Variants in LDLRAD4 observed in about 807,000 individuals in gnomAD.
LDLRAD4 encodes low-density lipoprotein receptor class A domain-containing protein 4.
LDLRAD4 carries 5 observed loss-of-function variants against 17.0 expected under a neutral mutation model. The ratio of observed to expected loss-of-function variants is 0.29; its 90% CI spans 0.15 to 0.62. The LOEUF (loss-of-function observed/expected upper bound fraction) is 0.62, where lower values mean the gene tolerates loss of function less well. LDLRAD4 is among the 20% of genes least tolerant of loss of function. LDLRAD4 has a pLI of 0.84. For synonymous variants in LDLRAD4, 168 were observed against 171.8 expected, an observed-to-expected ratio of 0.98 and a Z score of 0.17; for missense variants, 340 against 424.7, an observed-to-expected ratio of 0.80 and a Z score of 1.75.
upstream of LDLRAD4, among the ~76,000 whole-genome samples, chr18:13,276,159 C>T (rs1297986717): frequency 6.6e-6 from 1 of 152,062 alleles, no homozygotes; most frequent in African/African-American, 2.4e-5. Flanking sequence ...CAGGTGTGCA[C>T]CACCACGCTC....
chr18:13,448,784 C>T (rs935589305), intron 3 of LDLRAD4, among the ~76,000 whole-genome samples: 7 of 152,060 alleles, frequency 4.6e-5, no homozygotes, highest in African/African-American at 1.7e-4. Flanking sequence ...AAGGGTACTA[C>T]GGTGAAACTT....
chr18:13,422,451 C>T (rs1210347853), intron 2 of LDLRAD4, among the ~76,000 whole-genome samples: 1 of 151,898 alleles, frequency 6.6e-6, no homozygotes, highest in African/African-American at 2.4e-5. Context: ...AATCCTAGCA[C>T]TTTGGGAGGT....
intron 1 of LDLRAD4, among the ~76,000 whole-genome samples, chr18:13,261,997 T>C (rs1396692994): frequency 6.6e-6 from 1 of 150,748 alleles, no homozygotes; most frequent in Non-Finnish European, 1.5e-5. Context: ...CTGAGTCCCG[T>C]GGGGCTCTGT....
At chr18:13,404,134 C>T (rs957055167) in intron 2 of LDLRAD4, among the ~76,000 whole-genome samples, 2 of 152,226 alleles carry the variant, frequency 1.3e-5, no homozygotes, top group African/African-American at 4.8e-5. Flanking sequence ...CAGATTCTGC[C>T]GCTTCTGGAC....
intron 1 of LDLRAD4, among the ~76,000 whole-genome samples, chr18:13,268,738 TC>T (rs2044361259): frequency 6.6e-6 from 1 of 152,232 alleles, no homozygotes; most frequent in Admixed American, 6.5e-5. Flanking sequence ...CATGAGAACT[TC>T]AGCTAAAAGG....
chr18:13,452,951 A>G (rs1031479006), intron 3 of LDLRAD4, among the ~76,000 whole-genome samples: 4 of 151,988 alleles, frequency 2.6e-5, no homozygotes, highest in Non-Finnish European at 5.9e-5. Context: ...ACCACGGGGG[A>G]TGCTACATGG....
chr18:13,502,513 C>T (rs560843200), intron 3 of LDLRAD4, among the ~76,000 whole-genome samples: 7 of 152,286 alleles, frequency 4.6e-5, no homozygotes, highest in East Asian at 1.9e-4. Context: ...GTGCTGAGCT[C>T]GTAAGTGTAC....
chr18:13,383,741 C>T (rs1183760460), intron 1 of LDLRAD4, among the ~76,000 whole-genome samples: 1 of 152,128 alleles, frequency 6.6e-6, no homozygotes, highest in Admixed American at 6.5e-5. Flanking sequence ...GTCCTGATCA[C>T]CCACCCTGCG....
chr18:13,269,875 C>T (rs922639797), intron 1 of LDLRAD4, among the ~76,000 whole-genome samples: 11 of 152,316 alleles, frequency 7.2e-5, no homozygotes, highest in Admixed American at 2.6e-4. Flanking sequence ...TGGCCCTGTC[C>T]GTCACCTGAC....
chr18:13,404,988 G>A (rs1367019639), intron 2 of LDLRAD4, among the ~76,000 whole-genome samples: 2 of 151,970 alleles, frequency 1.3e-5, no homozygotes, highest in East Asian at 1.9e-4. Context: ...TGAAGAGGTC[G>A]TAAAAGTAGG....
rs73415340 is a variant in LDLRAD4, at chr18:13,227,530, G to T, written c.-467+8542G>T. ...GGCATTGCCTGGTGGACAGTGAGTG[G>T]GTCCCACAGGACCTGGTGGGCCCAT... On this transcript the variant is annotated intron_variant, in intron 1 of 5. Transcript: ENST00000399848. 6.4e-3 allele frequency among the ~76,000 whole-genome samples: 974 copies of T among 152,250 alleles called. 13 individuals carry two copies. Among genetic ancestry groups the T allele is most frequent in the African/African-American group, 0.02 (835 of 41,526 alleles).
intron 3 of LDLRAD4, among the ~76,000 whole-genome samples, chr18:13,506,514 A>G (rs1304126349): frequency 1.3e-5 from 2 of 151,970 alleles, no homozygotes; most frequent in Non-Finnish European, 2.9e-5. Context: ...TAAACATCAC[A>G]TACATTTACC....
At chr18:13,526,650 G>A (rs553536696) in intron 3 of LDLRAD4, 3 of 152,324 alleles carry the variant, frequency 2.0e-5, no homozygotes, top group African/African-American at 7.2e-5. Context: ...AAAATAAAAT[G>A]TCAGTTCTAC....
intron 1 of LDLRAD4, among the ~76,000 whole-genome samples, chr18:13,369,946 C>T (rs574582856): frequency 2.0e-4 from 31 of 152,296 alleles, no homozygotes; most frequent in Admixed American, 1.2e-3. Flanking sequence ...AGGAGCGAGC[C>T]GTGGCTTGGA....
In LDLRAD4 at chr18:13,269,622, G is replaced by A. The variant is rs1422378861; in HGVS notation, c.-466-8483G>A. On this transcript the variant is annotated intron_variant, in intron 1 of 5. Transcript: ENST00000399848. ...GTGGTGGCTTCTGCTGGTAGCATCC[G>A]TGCCTGTTTCCCAGCCTGCTGGGGC... 2.0e-5 allele frequency among the ~76,000 whole-genome samples: 3 copies of A among 151,562 alleles called. No individual in the cohort carries two copies. The East Asian group carries it at 5.8e-4, about 29-fold the overall frequency.
chr18:13,612,624 A>G (rs888492471), intron 3 of LDLRAD4: 2 of 1,600,970 alleles, frequency 1.2e-6, no homozygotes, highest in African/African-American at 1.3e-5. Flanking sequence ...CCTGGAGAGG[A>G]GATTGCCGGA....
chr18:13,244,221 A>G (rs2042844109), intron 1 of LDLRAD4, among the ~76,000 whole-genome samples: 1 of 142,388 alleles, frequency 7.0e-6, no homozygotes, highest in Non-Finnish European at 1.5e-5. Context: ...CTACCCATCC[A>G]TTAATCCATC....
At chr18:13,381,863 C>T (rs777425446) in intron 1 of LDLRAD4, among the ~76,000 whole-genome samples, 31 of 152,364 alleles carry the variant, frequency 2.0e-4, no homozygotes, top group Middle Eastern at 6.8e-3. Context: ...GTGCAGCTCT[C>T]AAACATGGTC....
chr18:13,313,158 C>A (rs1327733655), intron 1 of LDLRAD4, among the ~76,000 whole-genome samples: 3 of 152,140 alleles, frequency 2.0e-5, no homozygotes, highest in African/African-American at 7.2e-5. Flanking sequence ...GTTATTTGTA[C>A]GTGTTCTGTT....
Sources: gnomAD v4.1 joint callset for allele counts (sites outside exome capture counted in the v4.1 genomes callset) on GRCh38, gnomAD v4.1.1 for gene constraint, MANE v1.5 for transcripts, NCBI Gene and HGNC (gene_info 2026-07-23, HGNC 2026-07-21) for gene names.